CABP1: variants seen among roughly 807,000 people sequenced by gnomAD.
The protein encoded by CABP1 is calcium-binding protein 1.
CABP1 carries 17 observed loss-of-function variants against 34.3 expected under a neutral mutation model. The observed-to-expected ratio is 0.50, with a 90% CI of 0.34 to 0.74. The LOEUF is 0.74. Among genes scored for constraint, CABP1 ranks in the 30% least tolerant of loss-of-function variants. CABP1 has a pLI of 0.01. For missense variants in CABP1, 373 were observed against 511.1 expected (o/e 0.73, Z 2.61); for synonymous variants, 198 against 229.2 (o/e 0.86, Z 1.23).
At chr12:120,679,603 G>A in the CABP1 span, among the ~76,000 whole-genome samples, 2 of 152,112 alleles carry the variant, frequency 1.3e-5, no homozygotes, top group Non-Finnish European at 2.9e-5. Flanking sequence ...CGAGGTGGGC[G>A]GATCACCTGA....
Position 120,640,851 on chromosome 12 carries a change from G to T in CABP1, c.166G>T (p.Ala56Ser). The T allele has an allele frequency of 9.3e-7, 1 of 1,072,982 alleles. No individual in the cohort carries two copies. The highest frequency in any genetic ancestry group is 1.1e-6 in the Non-Finnish European group (1 of 888,118). The allele number at this position is 1,072,982 out of a possible 1,614,324, so 66.5% of individuals were successfully genotyped here. A position where few individuals can be genotyped will look rare whatever the true frequency, so the allele number is the denominator to read the frequency against. Residue 56 changes from alanine (A) to serine (S), a missense_variant, in exon 1 of 6, where the codon GCC becomes TCC. Ala to Ser is a moderately conservative substitution (Grantham distance 99, BLOSUM62 1). This residue lies in a region of CABP1 where 134 missense variants were observed against 145.4 expected (regional missense o/e 0.92). Transcript: ENST00000316803. This position sits in a 1 kb window ranked among gnomAD's most constrained non-coding sequence, Gnocchi z 6.2. ...PPPGHASAGP[A>S]AMSSHIAKSE... Reference sequence around the variant, plus strand: ...GCCGGGCCATGCGAGCGCGGGCCCCGCCGCGATGAGCTCGCACATCGCCAA... The same window carrying T: ...GCCGGGCCATGCGAGCGCGGGCCCCTCCGCGATGAGCTCGCACATCGCCAA...
Position 120,667,112 on chromosome 12 carries a change from C to A in CABP1, c.*212C>A. 1 of 607,214 alleles carries A rather than the reference C, an allele frequency of 1.6e-6. No individual in the cohort carries two copies. The highest frequency in any genetic ancestry group is 2.9e-6 in the Non-Finnish European group (1 of 345,736). The allele number at this position is 607,214 out of a possible 1,614,324, so 37.6% of individuals were successfully genotyped here. On this transcript the variant is annotated 3_prime_UTR_variant, in exon 6 of 6. Transcript: ENST00000316803. Reference sequence around the variant, plus strand: ...ACTGGAAAGCGGGGGCGCCCGCCGACGAGGAGGCCACCGTGCCAAGCCGGC... The same window carrying A: ...ACTGGAAAGCGGGGGCGCCCGCCGAAGAGGAGGCCACCGTGCCAAGCCGGC...
chr12:120,647,099 G>A (rs1879574968), intron 1 of CABP1, among the ~76,000 whole-genome samples: 1 of 152,188 alleles, frequency 6.6e-6, no homozygotes, highest in Admixed American at 6.5e-5. Flanking sequence ...TGCTATGCCC[G>A]GACTGGCCTG....
chr12:120,643,286 C>T (rs1348017123), intron 1 of CABP1, among the ~76,000 whole-genome samples: 3 of 152,206 alleles, frequency 2.0e-5, no homozygotes, highest in African/African-American at 7.2e-5. Context: ...TTCCATCTGA[C>T]ACCTCGAAGT....
the CABP1 span, among the ~76,000 whole-genome samples, chr12:120,680,384 T>A: frequency 1.3e-5 from 2 of 152,194 alleles, no homozygotes; most frequent in African/African-American, 2.4e-5. Flanking sequence ...CAGCTCTGTC[T>A]GACCCCCAAA....
At chr12:120,679,401 A>C in the CABP1 span, among the ~76,000 whole-genome samples, 1 of 152,244 alleles carries the variant, frequency 6.6e-6, no homozygotes, top group African/African-American at 2.4e-5. Context: ...TCTGCAAAAA[A>C]GGGAACATGA....
rs543098427 is a variant in CABP1, at chr12:120,641,474, C to G, written c.654+135C>G. On this transcript the variant is annotated intron_variant, in intron 1 of 5. Coordinates refer to ENST00000316803, the MANE Select transcript of CABP1 (RefSeq NM_001033677.2). This position sits in a 1 kb window ranked among gnomAD's most constrained non-coding sequence, Gnocchi z 6.7. ...ACGCCTCGGCTCACCTCGTCCTCCC[C>G]GGGCCGGCGCCCTTGCCGGCACTCC... 5 of 1,004,702 alleles carry G rather than the reference C, an allele frequency of 5.0e-6. No individual in the cohort carries two copies. In the South Asian group the frequency reaches 1.5e-4, roughly 30 times the overall value. The allele number at this position is 1,004,702 out of a possible 1,614,324, so 62.2% of individuals were successfully genotyped here.
chr12:120,675,815 C>T, the CABP1 span, among the ~76,000 whole-genome samples: 1 of 152,148 alleles, frequency 6.6e-6, no homozygotes, highest in East Asian at 1.9e-4. Context: ...GTGGCTCACA[C>T]CTGTAATCCC....
chr12:120,645,702 G>A (rs992551293), intron 1 of CABP1, among the ~76,000 whole-genome samples: 2 of 152,116 alleles, frequency 1.3e-5, no homozygotes, highest in African/African-American at 2.4e-5. Flanking sequence ...GGTGGTGGGC[G>A]CCTGTAACCC....
intron 1 of CABP1, among the ~76,000 whole-genome samples, chr12:120,649,339 G>C (rs1471720205): frequency 6.6e-6 from 1 of 152,196 alleles, no homozygotes; most frequent in African/African-American, 2.4e-5. Context: ...AATGGGCTTG[G>C]GAGGAGTTCT....
At chr12:120,644,299 A>C (rs1435947819) in intron 1 of CABP1, among the ~76,000 whole-genome samples, 1 of 152,174 alleles carries the variant, frequency 6.6e-6, no homozygotes, top group Non-Finnish European at 1.5e-5. Context: ...AGCCTTCATT[A>C]ATGTTATTGC....
At chr12:120,642,716 A>G (rs1346199154) in intron 1 of CABP1, among the ~76,000 whole-genome samples, 2 of 152,092 alleles carry the variant, frequency 1.3e-5, no homozygotes, top group Non-Finnish European at 2.9e-5. Context: ...TGGTCTTTGG[A>G]TTGGGGCTGG....
chr12:120,655,925 T>A (rs753729072), intron 1 of CABP1: 2 of 1,537,472 alleles, frequency 1.3e-6, no homozygotes, highest in South Asian at 2.4e-5. Flanking sequence ...TTGGAGACTC[T>A]GTCTGTTGGA....
chr12:120,650,880 G>A (rs1444754722), intron 1 of CABP1, among the ~76,000 whole-genome samples: 3 of 130,664 alleles, frequency 2.3e-5, no homozygotes, highest in South Asian at 2.4e-4. Context: ...CATGGCGGTC[G>A]GGGTGAAACT....
intron 1 of CABP1, chr12:120,659,097 G>C (rs1275090026): frequency 1.3e-5 from 2 of 152,262 alleles, no homozygotes; most frequent in Non-Finnish European, 2.9e-5. Flanking sequence ...GGCACTGCTT[G>C]AGGCTGGAGA....
Position 120,661,513 on chromosome 12 carries a change from A to C in CABP1, c.1087+295A>C. ...CCATCTGTCCACCATCCATCCATCCATCCATTTATCTACCCATCTATCCAT... is the reference window on the plus strand; with the variant it reads ...CCATCTGTCCACCATCCATCCATCCCTCCATTTATCTACCCATCTATCCAT... On this transcript the variant is annotated intron_variant, in intron 5 of 5. Transcript: ENST00000316803. This position sits in a 1 kb window ranked among gnomAD's most constrained non-coding sequence, Gnocchi z 5.1. 3.1e-6 allele frequency: 1 copy of C among 323,730 alleles called. No individual in the cohort carries two copies. The highest frequency in any genetic ancestry group is 5.7e-6 in the Non-Finnish European group (1 of 174,456). 20.1% of individuals were successfully genotyped at this position (323,730 alleles called of 1,614,324 possible). A position where few individuals can be genotyped will look rare whatever the true frequency, so the allele number is the denominator to read the frequency against.
At chr12:120,651,936 T>C (rs473121) in intron 1 of CABP1, among the ~76,000 whole-genome samples, 53,507 of 152,100 alleles carry the variant, frequency 0.35, 10,409 homozygotes, top group Non-Finnish European at 0.44. Flanking sequence ...ATAGGTTCCA[T>C]CCAGAGCTTG....
intron 1 of CABP1, chr12:120,658,997 G>A (rs1880442209): frequency 1.3e-5 from 2 of 152,312 alleles, no homozygotes; most frequent in Non-Finnish European, 2.9e-5. Context: ...TCACCAACCT[G>A]AGCTTCCTCC....
At chr12:120,653,637 G>C (rs900705553) in intron 1 of CABP1, among the ~76,000 whole-genome samples, 1 of 152,210 alleles carries the variant, frequency 6.6e-6, no homozygotes, top group Non-Finnish European at 1.5e-5. Context: ...TGGGTTCAGT[G>C]ATTTTCCTGC....
Sources: allele counts gnomAD v4.1 joint callset (sites outside exome capture counted in the v4.1 genomes callset), GRCh38; gene constraint gnomAD v4.1.1; regional missense constraint gnomAD v4.1.1; non-coding constraint Gnocchi (gnomAD v3.1); transcripts MANE v1.5; gene names NCBI Gene and HGNC (gene_info 2026-07-23, HGNC 2026-07-21).